The following SLC9C1 variants were observed in gnomAD, a reference collection of about 807,000 sequenced individuals.
SLC9C1 encodes solute carrier family 9 member C1.
SLC9C1 carries 97 observed loss-of-function variants against 140.9 expected under a neutral mutation model. The observed-to-expected ratio is 0.69, with a 90% CI of 0.58 to 0.82. SLC9C1 has a LOEUF of 0.82. SLC9C1 is among the 40% of genes least tolerant of loss of function. The pLI is 0.00. For synonymous variants in SLC9C1, 440 were observed against 442.6 expected, an observed-to-expected ratio of 0.99 and a Z score of 0.07; for missense variants, 1,340 against 1,389.3, an observed-to-expected ratio of 0.96 and a Z score of 0.56.
chr3:112,183,349 C>CTTTTTTTTTTTTTTT (rs200437815), intron 20 of SLC9C1, among the ~76,000 whole-genome samples: 2,056 of 94,656 alleles, frequency 0.022, 249 homozygotes, highest in Non-Finnish European at 0.027. Flanking sequence ...AGCACCTTTT[C>CTTTTTTTTTTTTTTT]TTTTTTTTTT....
chr3:112,151,844 CAG>C lies in SLC9C1; in HGVS notation c.3524+11_3524+12del, dbSNP rs2074990960. Reference sequence around the variant, plus strand: ...GTGCTCCTGATCCTGTTGAGGAAACCAGAGTGGCTTACCTGACTTTCCTTAGG... The same window carrying C: ...GTGCTCCTGATCCTGTTGAGGAAACCAGTGGCTTACCTGACTTTCCTTAGG... On this transcript the variant is annotated intron_variant, in intron 28 of 28. Coordinates refer to ENST00000305815, the MANE Select transcript of SLC9C1 (RefSeq NM_183061.3). 2 of 1,606,430 alleles carry C rather than the reference CAG, an allele frequency of 1.2e-6. No homozygotes were observed. Among genetic ancestry groups the C allele is most frequent in the African/African-American group, 1.3e-5 (1 of 74,690 alleles).
chr3:112,157,401 A>G (rs1477646282), intron 26 of SLC9C1, among the ~76,000 whole-genome samples: 1 of 152,142 alleles, frequency 6.6e-6, no homozygotes, highest in East Asian at 1.9e-4. Context: ...TGCCAGCACC[A>G]TGCTATTTTG....
At chr3:112,242,575 T>C (rs2079165435) in intron 11 of SLC9C1, among the ~76,000 whole-genome samples, 1 of 151,974 alleles carries the variant, frequency 6.6e-6, no homozygotes, top group South Asian at 2.1e-4. Flanking sequence ...GGTTAATGCA[T>C]TCAAAAAATA....
intron 23 of SLC9C1, among the ~76,000 whole-genome samples, chr3:112,171,221 A>G (rs1576264544): frequency 6.6e-6 from 1 of 152,106 alleles, no homozygotes; most frequent in African/African-American, 2.4e-5. Context: ...GTCAGAAAAA[A>G]AAAAGAAAAG....
chr3:112,284,985 CTT>C (rs61428176), intron 2 of SLC9C1, among the ~76,000 whole-genome samples: 6 of 103,862 alleles, frequency 5.8e-5, no homozygotes, highest in South Asian at 3.2e-4. Context: ...TACAATTTTT[CTT>C]TTTTTTTTTT....
At chr3:112,160,091 C>T (rs536833823) in intron 26 of SLC9C1, among the ~76,000 whole-genome samples, 1 of 151,924 alleles carries the variant, frequency 6.6e-6, no homozygotes, top group South Asian at 2.1e-4. Flanking sequence ...TAGGGACTTA[C>T]TACTGCCATT....
chr3:112,189,680 TTG>T (rs2077611331), intron 20 of SLC9C1, among the ~76,000 whole-genome samples: 3 of 152,198 alleles, frequency 2.0e-5, no homozygotes, highest in Admixed American at 1.3e-4. Context: ...GCCTCCAGCT[TTG>T]TTCTTTTGGC....
intron 3 of SLC9C1, among the ~76,000 whole-genome samples, chr3:112,280,430 TATGTATGTACTC>T (rs372256582): frequency 4.1e-4 from 37 of 91,238 alleles, no homozygotes; most frequent in East Asian, 1.2e-3. Context: ...CTAATACTTT[TATGTATGTACTC>T]AGTAGCTGTA....
chr3:112,260,747 T>C (rs1199809166), intron 10 of SLC9C1, among the ~76,000 whole-genome samples: 1 of 152,134 alleles, frequency 6.6e-6, no homozygotes, highest in Non-Finnish European at 1.5e-5. Flanking sequence ...CAGTGAGGTT[T>C]ATACACCATG....
rs1375736386 is a variant in SLC9C1, at chr3:112,243,208, T to C, written c.1279+787A>G. 3.9e-5 allele frequency among the ~76,000 whole-genome samples: 6 copies of C among 152,238 alleles called. No homozygotes were observed. In the South Asian group the frequency reaches 1.2e-3, roughly 32 times the overall value. On this transcript the variant is annotated intron_variant, in intron 11 of 28. Transcript: ENST00000305815. ...ATATCATTCTACAAAAAAGATACAT[T>C]CACTTGTATGTTCATCACAGCATTA...
Position 112,143,215 on chromosome 3 carries a change from T to C in SLC9C1, c.3525-1934A>G, listed in dbSNP as rs1163401836. 2.2e-5 allele frequency among the ~76,000 whole-genome samples: 3 copies of C among 138,502 alleles called. No homozygotes were observed. In the East Asian group the frequency reaches 6.5e-4, roughly 30 times the overall value. 90.9% of individuals were successfully genotyped at this position (138,502 alleles called of 152,430 possible). The stretch of plus-strand genomic sequence containing the variant: ...CGATGAACATGCAAGTGCATGTGTC[T>C]TTTTGGTAGAATAATTTGTGTATAT... On this transcript the variant is annotated intron_variant, in intron 28 of 28. Transcript: ENST00000305815.
chr3:112,162,197 A>G (rs894875760), intron 26 of SLC9C1, among the ~76,000 whole-genome samples: 1 of 152,190 alleles, frequency 6.6e-6, no homozygotes, highest in Non-Finnish European at 1.5e-5. Flanking sequence ...ATCTAGATAT[A>G]CAATCATGTC....
intron 13 of SLC9C1, among the ~76,000 whole-genome samples, chr3:112,224,174 G>A (rs2078617266): frequency 6.6e-6 from 1 of 152,182 alleles, no homozygotes; most frequent in Admixed American, 6.5e-5. Flanking sequence ...AACTTCTGCA[G>A]CCTAAGCAAC....
intron 2 of SLC9C1, among the ~76,000 whole-genome samples, chr3:112,284,985 CTTTTTTTTT>C (rs61428176): frequency 9.6e-6 from 1 of 103,864 alleles, no homozygotes; most frequent in Non-Finnish European, 1.8e-5. Flanking sequence ...TACAATTTTT[CTTTTTTTTT>C]TTTTTTTTTT....
chr3:112,179,440 G>A, intron 23 of SLC9C1, 91 bp downstream of exon 23: 1 of 1,364,476 alleles, frequency 7.3e-7, no homozygotes, highest in Non-Finnish European at 9.9e-7. Flanking sequence ...TTGTCAACTA[G>A]ACTGTAAACT....
intron 27 of SLC9C1, among the ~76,000 whole-genome samples, chr3:112,154,060 T>A (rs2075059776): frequency 1.4e-5 from 2 of 146,472 alleles, no homozygotes; most frequent in Non-Finnish European, 3.0e-5. Context: ...ATTCAACATA[T>A]ATTTGTGAGG....
chr3:112,153,387 G>A (rs970022609), intron 27 of SLC9C1, among the ~76,000 whole-genome samples: 1 of 151,038 alleles, frequency 6.6e-6, no homozygotes, highest in Non-Finnish European at 1.5e-5. Flanking sequence ...GGTCTTGTCA[G>A]TGGGCTCTAG....
chr3:112,230,889 T>C (rs565492552), intron 13 of SLC9C1, among the ~76,000 whole-genome samples: 1 of 152,308 alleles, frequency 6.6e-6, no homozygotes, highest in East Asian at 1.9e-4. Context: ...GAAAACATAA[T>C]ACTCTCTTCA....
At chr3:112,280,599 T>C in intron 3 of SLC9C1, 84 bp downstream of exon 3, 1 of 1,185,986 alleles carries the variant, frequency 8.4e-7, no homozygotes, top group Non-Finnish European at 1.2e-6. Flanking sequence ...AGGGGATGAA[T>C]AACTTTTGCA....
Sources: allele counts gnomAD v4.1 joint callset (sites outside exome capture counted in the v4.1 genomes callset), GRCh38; gene constraint gnomAD v4.1.1; transcripts MANE v1.5; gene names NCBI Gene and HGNC (gene_info 2026-07-23, HGNC 2026-07-21).